BNC2: variants seen among roughly 807,000 people sequenced by gnomAD.
The protein encoded by BNC2 is basonuclin zinc finger protein 2.
In BNC2, 20 loss-of-function variants were observed where a neutral mutation model predicts 76.3. That is an observed-to-expected ratio of 0.26 (90% CI 0.18 to 0.38). The LOEUF is 0.38. BNC2 is among the 10% of genes least tolerant of loss of function. The pLI is 1.00. For missense variants in BNC2, 1,382 were observed against 1,399.8 expected, an observed-to-expected ratio of 0.99 and a Z score of 0.20; for synonymous variants, 582 against 514.8, an observed-to-expected ratio of 1.13 and a Z score of -1.77.
At chr9:16,816,847 T>C (rs1019921782) in intron 1 of BNC2, among the ~76,000 whole-genome samples, 6 of 152,082 alleles carry the variant, frequency 3.9e-5, no homozygotes, top group African/African-American at 9.7e-5. Context: ...AATCTAGTAA[T>C]AAAAAGTATG....
chr9:16,756,607 T>C (rs1310542007), intron 1 of BNC2, among the ~76,000 whole-genome samples: 1 of 152,216 alleles, frequency 6.6e-6, no homozygotes, highest in African/African-American at 2.4e-5. Context: ...TCTCAGATTT[T>C]CTCTGCTCCA....
chr9:16,857,491 A>T (rs1427737441), intron 1 of BNC2, among the ~76,000 whole-genome samples: 1 of 151,384 alleles, frequency 6.6e-6, no homozygotes, highest in Admixed American at 6.6e-5. Flanking sequence ...AAAAAAAAAA[A>T]AAAAAAAAAA....
chr9:16,480,056 T>C (rs75905521), intron 5 of BNC2, among the ~76,000 whole-genome samples: 4,500 of 152,338 alleles, frequency 0.03, 140 homozygotes, highest in Middle Eastern at 0.048. Flanking sequence ...ATTCAACACA[T>C]GTAACAACAT....
At chr9:16,800,678 T>C (rs1817760002) in intron 1 of BNC2, among the ~76,000 whole-genome samples, 2 of 152,166 alleles carry the variant, frequency 1.3e-5, no homozygotes, top group African/African-American at 4.8e-5. Flanking sequence ...TTTAAATAAT[T>C]TTCAGTGCAA....
chr9:16,824,944 G>A (rs929544607), intron 1 of BNC2, among the ~76,000 whole-genome samples: 3 of 152,082 alleles, frequency 2.0e-5, no homozygotes, highest in African/African-American at 7.2e-5. Context: ...GCTAAACTGG[G>A]TTTAGTTGTC....
At chr9:16,794,722 C>T (rs1352936847) in intron 1 of BNC2, among the ~76,000 whole-genome samples, 5 of 152,178 alleles carry the variant, frequency 3.3e-5, no homozygotes, top group Non-Finnish European at 7.3e-5. Context: ...TCAGCTAACA[C>T]CATGAAGCAA....
intron 3 of BNC2, among the ~76,000 whole-genome samples, chr9:16,666,672 C>G (rs1055095425): frequency 1.4e-4 from 22 of 152,218 alleles, no homozygotes; most frequent in African/African-American, 5.1e-4. Context: ...ACACATCCAG[C>G]AGACCTGTTT....
At chr9:16,644,819 G>C (rs1488538558) in intron 3 of BNC2, among the ~76,000 whole-genome samples, 1 of 152,162 alleles carries the variant, frequency 6.6e-6, no homozygotes, top group Non-Finnish European at 1.5e-5. Flanking sequence ...CCTTGTGCAG[G>C]TTTCTTTTCT....
At chr9:16,446,939 A>T (rs1380309851) in intron 5 of BNC2, among the ~76,000 whole-genome samples, 1 of 152,112 alleles carries the variant, frequency 6.6e-6, no homozygotes, top group Non-Finnish European at 1.5e-5. Flanking sequence ...ATTTGTTTGC[A>T]AATAAATAAA....
intron 3 of BNC2, among the ~76,000 whole-genome samples, chr9:16,678,465 T>C (rs918665011): frequency 1.3e-4 from 20 of 151,496 alleles, no homozygotes; most frequent in African/African-American, 3.9e-4. Context: ...GAGACAGGGT[T>C]TCACCATGTT....
intron 5 of BNC2, among the ~76,000 whole-genome samples, chr9:16,527,560 G>A (rs1178911882): frequency 6.6e-6 from 1 of 152,196 alleles, no homozygotes; most frequent in Non-Finnish European, 1.5e-5. Flanking sequence ...GGAGCTGAAA[G>A]AACCTGCATA....
At chr9:16,444,069 C>T (rs1821182829) in intron 5 of BNC2, among the ~76,000 whole-genome samples, 1 of 152,206 alleles carries the variant, frequency 6.6e-6, no homozygotes, top group African/African-American at 2.4e-5. Flanking sequence ...TATAAGCCAC[C>T]TTACTCCTTT....
chr9:16,769,878 C>A (rs938339592), intron 1 of BNC2, among the ~76,000 whole-genome samples: 2 of 152,222 alleles, frequency 1.3e-5, no homozygotes, highest in Middle Eastern at 3.4e-3. Context: ...TATAGACCAA[C>A]CTGTGGCATT....
chr9:16,551,031 T>C (rs1435783603), intron 5 of BNC2, among the ~76,000 whole-genome samples: 4 of 152,164 alleles, frequency 2.6e-5, no homozygotes, highest in African/African-American at 7.2e-5. Flanking sequence ...CTAGATCTTG[T>C]TCCCCCTCAT....
intron 3 of BNC2, among the ~76,000 whole-genome samples, chr9:16,681,590 T>TCA (rs746122220): frequency 6.6e-6 from 1 of 151,840 alleles, no homozygotes. Flanking sequence ...ACACACAAAC[T>TCA]CACACACACA....
chr9:16,557,277 T>C (rs951785145), intron 4 of BNC2, among the ~76,000 whole-genome samples: 3 of 152,094 alleles, frequency 2.0e-5, no homozygotes, highest in Non-Finnish European at 4.4e-5. Context: ...AGTGGGCGAA[T>C]AACCCGAGGT....
At chr9:16,569,223 G>A (rs1819250747) in intron 4 of BNC2, among the ~76,000 whole-genome samples, 1 of 151,240 alleles carries the variant, frequency 6.6e-6, no homozygotes, top group Admixed American at 6.6e-5. Flanking sequence ...TTATGTGAAT[G>A]GCCCTTGATT....
chr9:16,829,302 T>C (rs1818526436), intron 1 of BNC2, among the ~76,000 whole-genome samples: 1 of 152,190 alleles, frequency 6.6e-6, no homozygotes, highest in East Asian at 1.9e-4. Context: ...ATCTTCAGGG[T>C]AGGGCTGTCT....
At chr9:16,443,381 A>G (rs13299763) in intron 5 of BNC2, among the ~76,000 whole-genome samples, 41,411 of 152,000 alleles carry the variant, frequency 0.27, 6,192 homozygotes, top group East Asian at 0.42. Flanking sequence ...TATTTTCATA[A>G]TCAGTTTCCT....
Sources: gnomAD v4.1 joint callset for allele counts (sites outside exome capture counted in the v4.1 genomes callset) on GRCh38, gnomAD v4.1.1 for gene constraint, MANE v1.5 for transcripts, NCBI Gene and HGNC (gene_info 2026-07-23, HGNC 2026-07-21) for gene names.